Variants in PLXNA2 observed in about 807,000 individuals in gnomAD.
PLXNA2 encodes the protein plexin-A2.
Under a neutral mutation model 193.5 loss-of-function variants are expected in PLXNA2, and 91 were observed. The ratio of observed to expected loss-of-function variants is 0.47; its 90% CI spans 0.40 to 0.56. The LOEUF (loss-of-function observed/expected upper bound fraction) is 0.56, where lower values mean the gene tolerates loss of function less well. Ranked by LOEUF, PLXNA2 falls within the 20% of genes least tolerant of loss-of-function variation. PLXNA2 has a pLI of 0.00. For synonymous variants in PLXNA2, 997 were observed against 1,027.3 expected, an observed-to-expected ratio of 0.97 and a Z score of 0.56; for missense variants, 1,995 against 2,503.2, an observed-to-expected ratio of 0.80 and a Z score of 4.33.
intron 3 of PLXNA2, among the ~76,000 whole-genome samples, chr1:208,165,195 G>A (rs1571987240): frequency 6.6e-6 from 1 of 152,346 alleles, no homozygotes; most frequent in East Asian, 1.9e-4. Context: ...TGGCATGCCA[G>A]CAGATCTCTG....
chr1:208,163,340 G>T (rs923989299), intron 3 of PLXNA2, among the ~76,000 whole-genome samples: 1 of 152,228 alleles, frequency 6.6e-6, no homozygotes, highest in African/African-American at 2.4e-5. Context: ...GCAGGAGCCA[G>T]CACAAGTTCA....
At chr1:208,186,158 G>T (rs1669991570) in intron 3 of PLXNA2, among the ~76,000 whole-genome samples, 1 of 152,162 alleles carries the variant, frequency 6.6e-6, no homozygotes, top group Non-Finnish European at 1.5e-5. Flanking sequence ...GAAAAGGCTG[G>T]CTCCTCCGTC....
At chr1:208,175,385 T>C (rs1293560296) in intron 3 of PLXNA2, among the ~76,000 whole-genome samples, 1 of 152,176 alleles carries the variant, frequency 6.6e-6, no homozygotes, top group African/African-American at 2.4e-5. Flanking sequence ...AGTCCTTCCT[T>C]TCCAGGGGAG....
Position 208,028,077 on chromosome 1 carries a change from C to A in PLXNA2, c.5521G>T (p.Ala1841Ser), listed in dbSNP as rs758935682. 2.5e-6 allele frequency: 4 copies of A among 1,613,552 alleles called. No individual in the cohort carries two copies. The highest frequency in any genetic ancestry group is 3.4e-6 in the Non-Finnish European group (4 of 1,179,766). Reference protein sequence around the residue: ...AYLAEQSRLHAVEFNMLSALN... With the variant: ...AYLAEQSRLHSVEFNMLSALN... ...GCACTCAGCATGTTGAACTCCACGG[C>A]GTGCAGGCGGGACTGCTCGGCGAGG... Residue 1841 changes from alanine (A) to serine (S), a missense_variant, in exon 31 of 32, where the codon GCC (alanine) becomes TCC (serine). This residue lies in a region of PLXNA2 where 1,291 missense variants were observed against 1,673.6 expected (regional missense o/e 0.77). Transcript: ENST00000367033. The surrounding 1 kb of genome is among the most constrained non-coding windows in gnomAD (Gnocchi z 4.2).
At chr1:208,042,032 A>G (rs1394705064) in intron 22 of PLXNA2, 66 bp downstream of exon 22, 1 of 1,536,818 alleles carries the variant, frequency 6.5e-7, no homozygotes, top group African/African-American at 1.4e-5. Flanking sequence ...GGGGCCTGCT[A>G]TAATGAGGTG....
chr1:208,218,136 TTAACATACTTTCTCCCTCTTAGGAATG>T (rs1430844040), intron 1 of PLXNA2, 134 bp from the exon 2 acceptor site: 1 of 696,082 alleles, frequency 1.4e-6, no homozygotes, highest in Non-Finnish European at 2.4e-6. Flanking sequence ...TTTTCTATTT[TTAACATACTTTCTCCCTCTTAGGAATG>T]TTCAGGGAAT....
chr1:208,191,872 G>A (rs1382530056), intron 3 of PLXNA2, among the ~76,000 whole-genome samples: 1 of 152,130 alleles, frequency 6.6e-6, no homozygotes, highest in Admixed American at 6.5e-5. Context: ...GGCAGGGCGA[G>A]GGGTTCCTAG....
intron 3 of PLXNA2, among the ~76,000 whole-genome samples, chr1:208,201,026 G>C (rs1357644751): frequency 6.6e-6 from 1 of 152,226 alleles, no homozygotes; most frequent in Non-Finnish European, 1.5e-5. Context: ...AGTAATACTA[G>C]TAGGAGGAGT....
At chr1:208,194,365 T>G (rs1253178033) in intron 3 of PLXNA2, among the ~76,000 whole-genome samples, 1 of 151,252 alleles carries the variant, frequency 6.6e-6, no homozygotes, top group Non-Finnish European at 1.5e-5. Context: ...GATGTATGTG[T>G]TTTATGCAGT....
At position 208,042,089 on chromosome 1, in the gene PLXNA2, G is replaced by C; in HGVS notation, c.4286+9C>G. The C allele has an allele frequency of 6.2e-7, 1 of 1,612,404 alleles. No individual in the cohort carries two copies. The highest frequency in any genetic ancestry group is 8.5e-7 in the Non-Finnish European group (1 of 1,178,910). ...TGCCACCCTCTCCACCCACTGCTGC[G>C]GGCCAGACCTCCGGAGTAGCAGCTT... On this transcript the variant is annotated intron_variant, in intron 22 of 31. Coordinates refer to ENST00000367033, the MANE Select transcript of PLXNA2 (RefSeq NM_025179.4).
intron 3 of PLXNA2, among the ~76,000 whole-genome samples, chr1:208,152,662 TACACATACACACACACACACGCAC>T (rs897066668): frequency 1.6e-5 from 2 of 121,966 alleles, no homozygotes; most frequent in Non-Finnish European, 3.4e-5. Flanking sequence ...TATTCATGCA[TACACATACACACACACACACGCAC>T]ACACACACAC....
chr1:208,066,716 C>T (rs1300814618), intron 12 of PLXNA2, among the ~76,000 whole-genome samples: 1 of 152,020 alleles, frequency 6.6e-6, no homozygotes, highest in Non-Finnish European at 1.5e-5. Flanking sequence ...AGGAGGGATT[C>T]CAGAAGAAGG....
Position 208,033,366 on chromosome 1 carries a change from T to G in PLXNA2, c.5008A>C (p.Ser1670Arg). 1 of 1,612,338 alleles carries G rather than the reference T, an allele frequency of 6.2e-7. No individual in the cohort carries two copies. The highest frequency in any genetic ancestry group is 8.5e-7 in the Non-Finnish European group (1 of 1,179,464). ...HGDQKEGDRG[S>R]KMVSEIYLTR... ...AGGTAGATCTCGGACACCATCTTGC[T>G]GCCCCGGTCACCCTCCTTCTGGTCA... is the stretch of plus-strand genomic sequence containing the variant. Residue 1670 changes from serine (S) to arginine (R), a missense_variant, in exon 28 of 32, where the codon AGC becomes CGC. Transcript: ENST00000367033.
chr1:208,218,407 T>G (rs1164894360), intron 1 of PLXNA2, among the ~76,000 whole-genome samples: 1 of 152,138 alleles, frequency 6.6e-6, no homozygotes, highest in Non-Finnish European at 1.5e-5. Flanking sequence ...TCGCTCCTGT[T>G]TTTTGAAAGC....
intron 3 of PLXNA2, among the ~76,000 whole-genome samples, chr1:208,201,973 AT>A (rs59313982): frequency 0.6 from 79,141 of 132,352 alleles, 20,943 homozygotes; most frequent in East Asian, 0.78. Flanking sequence ...CAGGGCAAGA[AT>A]TTTTTTTTTT....
At chr1:208,225,460 T>C (rs1671479924) in intron 1 of PLXNA2, among the ~76,000 whole-genome samples, 1 of 151,922 alleles carries the variant, frequency 6.6e-6, no homozygotes. Context: ...CACAGGCACC[T>C]GTCTACACCT....
intron 29 of PLXNA2, chr1:208,029,391 A>C: frequency 9.3e-7 from 1 of 1,076,298 alleles, no homozygotes; most frequent in African/African-American, 1.6e-5. Context: ...AGGGCTTCAC[A>C]CAAAGCCACC....
intron 9 of PLXNA2, among the ~76,000 whole-genome samples, chr1:208,091,165 G>A (rs928187386): frequency 2.0e-5 from 3 of 152,214 alleles, no homozygotes; most frequent in African/African-American, 7.2e-5. Flanking sequence ...TGAGGCACCC[G>A]TAGATGGGTC....
chr1:208,056,162 C>T (rs1009381306), intron 13 of PLXNA2, among the ~76,000 whole-genome samples: 7 of 152,236 alleles, frequency 4.6e-5, no homozygotes, highest in African/African-American at 1.7e-4. Flanking sequence ...CCCTGGCAAC[C>T]CGCTGCTGTT....
Sources: gnomAD v4.1 joint callset for allele counts (sites outside exome capture counted in the v4.1 genomes callset) on GRCh38, gnomAD v4.1.1 for gene constraint, gnomAD v4.1.1 regional missense constraint, Gnocchi (gnomAD v3.1) non-coding constraint, MANE v1.5 for transcripts, NCBI Gene and HGNC (gene_info 2026-07-23, HGNC 2026-07-21) for gene names.